The following IFNA14 variants were observed in gnomAD, a reference collection of about 807,000 sequenced individuals.
IFNA14 encodes interferon alpha 14, also known as interferon alpha-14.
For synonymous variants in IFNA14, 113 were observed against 76.8 expected (o/e 1.47, Z -2.46); for missense variants, 337 against 214.9 (o/e 1.57, Z -3.55).
Position 21,239,926 on chromosome 9 carries a change from G to T in IFNA14, c.10C>A (p.Pro4Thr), listed in dbSNP as rs773039262. The T allele has an allele frequency of 6.2e-7, 1 of 1,613,866 alleles. No homozygotes were observed. The highest frequency in any genetic ancestry group is 8.5e-7 in the Non-Finnish European group (1 of 1,179,882). Residue 4 changes from proline to threonine, a missense_variant, in exon 1 of 1, where the codon CCC becomes ACC. Coordinates refer to ENST00000380222, the MANE Select transcript of IFNA14 (RefSeq NM_002172.3). The stretch of plus-strand genomic sequence containing the variant: ...ACCAGGGCCATCATTAAAGCAAAGG[G>T]CAATGCCATTGGGAATCCCGAAGAT... MAL[P>T]FALMMALVVL...
Position 21,239,492 on chromosome 9 carries a change from T to C in IFNA14, c.444A>G (p.Gln148=). 5 of 1,614,134 alleles carry C rather than the reference T, an allele frequency of 3.1e-6. No individual in the cohort carries two copies. Among genetic ancestry groups the C allele is most frequent in the Non-Finnish European group, 4.2e-6 (5 of 1,180,018 alleles). Residue 148 remains glutamine (Q), a synonymous_variant, in exon 1 of 1, where the codon CAA becomes CAG. Transcript: ENST00000380222. ...TCTCCATCAGATAAAGAGTGATTCT[T>C]TGGAAGTATTTCTTCACAGCCAGGA... The part of the protein sequence containing the change: ...DSILAVKKYF[Q]RITLYLMEKK...
Position 21,239,904 on chromosome 9 carries a change from A to G in IFNA14, c.32T>C (p.Leu11Pro). Residue 11 changes from leucine to proline, a missense_variant, in exon 1 of 1, where the codon CTG becomes CCG. By Grantham distance (98) the Leu-to-Pro change is moderately conservative. Transcript: ENST00000380222. MALPFALMMA[L>P]VVLSCKSSCS... ...GCTTGACTTGCAGCTGAGCACCACC[A>G]GGGCCATCATTAAAGCAAAGGGCAA... The G allele has an allele frequency of 1.2e-6, 2 of 1,614,122 alleles. No homozygotes were observed. The highest frequency in any genetic ancestry group is 1.7e-6 in the Non-Finnish European group (2 of 1,179,996).
In IFNA14 at chr9:21,239,528, A is replaced by T; in HGVS notation, c.408T>A (p.Asn136Lys). The change falls in exon 1 of 1, where the codon AAT becomes AAA. Residue 136 changes from asparagine to lysine, a missense_variant. Asn to Lys is a moderately conservative substitution (Grantham distance 94, BLOSUM62 0). Transcript: ENST00000380222. Reference sequence around the variant, plus strand: ...TCTTCACAGCCAGGATGGAGTCCTCATTCATCAGGGGAGTCTCTTCCACCC... The same window carrying T: ...TCTTCACAGCCAGGATGGAGTCCTCTTTCATCAGGGGAGTCTCTTCCACCC... ...EVGVEETPLM[N>K]EDSILAVKKY... is the part of the protein sequence containing the mutation. The T allele has an allele frequency of 6.2e-7, 1 of 1,614,118 alleles. No homozygotes were observed. The highest frequency in any genetic ancestry group is 8.5e-7 in the Non-Finnish European group (1 of 1,180,014).
chr9:21,239,360 C>T lies in IFNA14; in HGVS notation c.*6G>A. ...AATGAGAATCATTTCCATGATGAAC[C>T]AGTTTTCAATCCTTCCTCCTTAATC... On this transcript the variant is annotated 3_prime_UTR_variant, in exon 1 of 1. Transcript: ENST00000380222. The T allele has an allele frequency of 6.2e-7, 1 of 1,613,390 alleles. No individual in the cohort carries two copies. The highest frequency in any genetic ancestry group is 1.7e-5 in the Admixed American group (1 of 59,866).
rs1002681216 is a variant in IFNA14, at chr9:21,239,325, T to TG, written c.*40dup. 1 of 1,610,452 alleles carries TG rather than the reference T, an allele frequency of 6.2e-7. No homozygotes were observed. Among genetic ancestry groups the TG allele is most frequent in the African/African-American group, 1.3e-5 (1 of 74,572 alleles). ...AAGAACTCATGAAAGTGTGAGATGA[T>TG]GTATTAGTCAATGAGAATCATTTCC... is the stretch of plus-strand genomic sequence containing the variant. On this transcript the variant is annotated 3_prime_UTR_variant, in exon 1 of 1. Coordinates refer to ENST00000380222, the MANE Select transcript of IFNA14 (RefSeq NM_002172.3).
At position 21,239,582 on chromosome 9, in the gene IFNA14, G is replaced by T; in HGVS notation, c.354C>A (p.Asp118Glu). Residue 118 changes from aspartate (D) to glutamate (E), a missense_variant, in exon 1 of 1, where the codon GAC becomes GAA. Coordinates refer to ENST00000380222, the MANE Select transcript of IFNA14 (RefSeq NM_002172.3). ...FYIELFQQMN[D>E]LEACVIQEVG... ...CCTCCTGTATCACACAGGCTTCCAGGTCATTCATTTGCTGGAAAAGTTCAA... is the reference window on the plus strand; with the variant it reads ...CCTCCTGTATCACACAGGCTTCCAGTTCATTCATTTGCTGGAAAAGTTCAA... 2 of 1,613,980 alleles carry T rather than the reference G, an allele frequency of 1.2e-6. No individual in the cohort carries two copies. Among genetic ancestry groups the T allele is most frequent in the Admixed American group, 1.7e-5 (1 of 60,000 alleles).
rs149468160 is a variant in IFNA14, at chr9:21,239,632, C to T, written c.304G>A (p.Glu102Lys). 6 of 1,613,818 alleles carry T rather than the reference C, an allele frequency of 3.7e-6. No individual in the cohort carries two copies. The African/African-American group carries it at 4.0e-5, about 11-fold the overall frequency. Residue 102 changes from glutamate to lysine, a missense_variant, in exon 1 of 1, where the codon GAG (glutamate) becomes AAG (lysine). Physicochemically the swap from Glu to Lys is moderately conservative, Grantham distance 56. Coordinates refer to ENST00000380222, the MANE Select transcript of IFNA14 (RefSeq NM_002172.3). Reference protein sequence around the residue: ...STKNSSAAWDETLLEKFYIEL... With the variant: ...STKNSSAAWDKTLLEKFYIEL... ...ATGTAGAATTTTTCTAGGAGGGTCT[C>T]ATCCCAAGCAGCAGATGAGTTCTTT...
chr9:21,239,325 T>C lies in IFNA14; in HGVS notation c.*41A>G, dbSNP rs1203840154. The C allele has an allele frequency of 1.2e-6, 2 of 1,610,570 alleles. No homozygotes were observed. The highest frequency in any genetic ancestry group is 2.2e-5 in the East Asian group (1 of 44,850). On this transcript the variant is annotated 3_prime_UTR_variant, in exon 1 of 1. Coordinates refer to ENST00000380222, the MANE Select transcript of IFNA14 (RefSeq NM_002172.3). ...AAGAACTCATGAAAGTGTGAGATGA[T>C]GTATTAGTCAATGAGAATCATTTCC...
At position 21,239,860 on chromosome 9, in the gene IFNA14, G is replaced by C; in HGVS notation, c.76C>G (p.Leu26Val). ...TTATTCAGGCTGTGGGTTTGAGACA[G>C]ATTACAGCCCAGAGAGCAGCTTGAC... ...CKSSCSLGCN[L>V]SQTHSLNNRR... is the part of the protein sequence containing the mutation. Residue 26 changes from leucine (L) to valine (V), a missense_variant, in exon 1 of 1, where the codon CTG (leucine) becomes GTG (valine). Transcript: ENST00000380222. The C allele has an allele frequency of 6.2e-7, 1 of 1,614,124 alleles. No homozygotes were observed. Among genetic ancestry groups the C allele is most frequent in the Non-Finnish European group, 8.5e-7 (1 of 1,179,998 alleles).
In IFNA14 at chr9:21,239,325, T is replaced by A; in HGVS notation, c.*41A>T. On this transcript the variant is annotated 3_prime_UTR_variant, in exon 1 of 1. Coordinates refer to ENST00000380222, the MANE Select transcript of IFNA14 (RefSeq NM_002172.3). ...AAGAACTCATGAAAGTGTGAGATGA[T>A]GTATTAGTCAATGAGAATCATTTCC... 1 of 1,610,570 alleles carries A rather than the reference T, an allele frequency of 6.2e-7. No homozygotes were observed. The highest frequency in any genetic ancestry group is 1.1e-5 in the South Asian group (1 of 90,384).
At position 21,239,795 on chromosome 9, in the gene IFNA14, G is replaced by C. The variant is rs769998554; in HGVS notation, c.141C>G (p.Ile47Met). The change falls in exon 1 of 1, where the codon ATC (isoleucine) becomes ATG (methionine). Residue 47 changes from isoleucine (I) to methionine (M), a missense_variant. Coordinates refer to ENST00000380222, the MANE Select transcript of IFNA14 (RefSeq NM_002172.3). ...TLMLMAQMRR[I>M]SPFSCLKDRH... ...TGTCCTTCAGGCAGGAGAAAGGAGA[G>C]ATTCTCCTCATTTGTGCCATGAGCA... is the stretch of plus-strand genomic sequence containing the variant. 3 of 1,614,068 alleles carry C rather than the reference G, an allele frequency of 1.9e-6. No homozygotes were observed. Among genetic ancestry groups the C allele is most frequent in the Non-Finnish European group, 1.7e-6 (2 of 1,179,976 alleles).
At position 21,239,175 on chromosome 9, in the gene IFNA14, C is replaced by A. The variant is rs373615837; in HGVS notation, c.*191G>T. On this transcript the variant is annotated 3_prime_UTR_variant, in exon 1 of 1. Coordinates refer to ENST00000380222, the MANE Select transcript of IFNA14 (RefSeq NM_002172.3). ...ATAAATAGATGAAAGGAGACATCAGCATGGTCATCTGTAAAGGACTAGTGC... is the reference window on the plus strand; with the variant it reads ...ATAAATAGATGAAAGGAGACATCAGAATGGTCATCTGTAAAGGACTAGTGC... The A allele has an allele frequency of 1.5e-5, 9 of 611,308 alleles. No individual in the cohort carries two copies. The highest frequency in any genetic ancestry group is 5.8e-5 in the African/African-American group (3 of 51,900). 37.9% of individuals were successfully genotyped at this position (611,308 alleles called of 1,614,324 possible). A position where few individuals can be genotyped will look rare whatever the true frequency, so the allele number is the denominator to read the frequency against.
Position 21,239,645 on chromosome 9 carries a change from A to G in IFNA14, c.291T>C (p.Ser97=), listed in dbSNP as rs756809807. The change falls in exon 1 of 1, where the codon TCT becomes TCC. Residue 97 remains serine, a synonymous_variant. Coordinates refer to ENST00000380222, the MANE Select transcript of IFNA14 (RefSeq NM_002172.3). ...CTAGGAGGGTCTCATCCCAAGCAGC[A>G]GATGAGTTCTTTGTGCTGAAGAGAT... ...TFNLFSTKNS[S]AAWDETLLEK... 2 of 1,614,054 alleles carry G rather than the reference A, an allele frequency of 1.2e-6. No individual in the cohort carries two copies. Among genetic ancestry groups the G allele is most frequent in the Admixed American group, 3.3e-5 (2 of 60,006 alleles).
In IFNA14 at chr9:21,239,828, C is replaced by A. The variant is rs1010620116; in HGVS notation, c.108G>T (p.Arg36Ser). Residue 36 changes from arginine (R) to serine (S), a missense_variant, in exon 1 of 1, where the codon AGG becomes AGT. Coordinates refer to ENST00000380222, the MANE Select transcript of IFNA14 (RefSeq NM_002172.3). ...TCATTTGTGCCATGAGCATCAAAGT[C>A]CTCCTGTTATTCAGGCTGTGGGTTT... Reference protein sequence around the residue: ...LSQTHSLNNRRTLMLMAQMRR... With the variant: ...LSQTHSLNNRSTLMLMAQMRR... The A allele has an allele frequency of 2.5e-6, 4 of 1,613,994 alleles. No individual in the cohort carries two copies. In the African/African-American group the frequency reaches 5.3e-5, roughly 22 times the overall value.
In IFNA14 at chr9:21,239,795, G is replaced by A. The variant is rs769998554; in HGVS notation, c.141C>T (p.Ile47=). 2 of 1,614,068 alleles carry A rather than the reference G, an allele frequency of 1.2e-6. No homozygotes were observed. Among genetic ancestry groups the A allele is most frequent in the South Asian group, 1.1e-5 (1 of 91,078 alleles). Residue 47 remains isoleucine (I), a synonymous_variant, in exon 1 of 1, where the codon ATC becomes ATT. Transcript: ENST00000380222. Reference sequence around the variant, plus strand: ...TGTCCTTCAGGCAGGAGAAAGGAGAGATTCTCCTCATTTGTGCCATGAGCA... The same window carrying A: ...TGTCCTTCAGGCAGGAGAAAGGAGAAATTCTCCTCATTTGTGCCATGAGCA... The part of the protein sequence containing the change: ...TLMLMAQMRR[I]SPFSCLKDRH...
At position 21,239,946 on chromosome 9, in the gene IFNA14, G is replaced by A. The variant is rs748235557; in HGVS notation, c.-11C>T. ...AAAGGGCAATGCCATTGGGAATCCCGAAGATGCTGCTGGGCTGGTTGATGA... is the reference window on the plus strand; with the variant it reads ...AAAGGGCAATGCCATTGGGAATCCCAAAGATGCTGCTGGGCTGGTTGATGA... On this transcript the variant is annotated 5_prime_UTR_variant, in exon 1 of 1. Coordinates refer to ENST00000380222, the MANE Select transcript of IFNA14 (RefSeq NM_002172.3). 6 of 1,612,520 alleles carry A rather than the reference G, an allele frequency of 3.7e-6. No individual in the cohort carries two copies. Among genetic ancestry groups the A allele is most frequent in the African/African-American group, 1.3e-5 (1 of 75,004 alleles).
At position 21,239,382 on chromosome 9, in the gene IFNA14, A is replaced by G; in HGVS notation, c.554T>C (p.Leu185Ser). The G allele has an allele frequency of 6.2e-7, 1 of 1,614,022 alleles. No individual in the cohort carries two copies. The highest frequency in any genetic ancestry group is 1.1e-5 in the South Asian group (1 of 91,070). The change falls in exon 1 of 1, where the codon TTA becomes TCA. Residue 185 changes from leucine to serine, a missense_variant. Transcript: ENST00000380222. ...LSFSTNLQKRLRRKD is the reference protein window; with the variant it reads ...LSFSTNLQKRSRRKD ...AACCAGTTTTCAATCCTTCCTCCTT[A>G]ATCTTTTTTGCAAGTTTGTTGAAAA...
rs762892461 is a variant in IFNA14 at position 21,239,451 on chromosome 9, C to G, written c.485G>C (p.Cys162Ser). Reference protein sequence around the residue: ...LYLMEKKYSPCAWEVVRAEIM... With the variant: ...LYLMEKKYSPSAWEVVRAEIM... ...TTCTGCTCTGACAACCTCCCAGGCA[C>G]AAGGGCTGTATTTCTTCTCCATCAG... Residue 162 changes from cysteine (C) to serine (S), a missense_variant, in exon 1 of 1, where the codon TGT becomes TCT. Physicochemically the swap from Cys to Ser is moderately radical, Grantham distance 112. Transcript: ENST00000380222. 6.8e-6 allele frequency: 11 copies of G among 1,614,010 alleles called. No homozygotes were observed. The highest frequency in any genetic ancestry group is 9.3e-6 in the Non-Finnish European group (11 of 1,180,026).
Position 21,239,322 on chromosome 9 carries a change from T to A in IFNA14, c.*44A>T. The A allele has an allele frequency of 6.2e-7, 1 of 1,609,258 alleles. No homozygotes were observed. The highest frequency in any genetic ancestry group is 8.5e-7 in the Non-Finnish European group (1 of 1,178,938). Reference sequence around the variant, plus strand: ...TGGAAGAACTCATGAAAGTGTGAGATGATGTATTAGTCAATGAGAATCATT... The same window carrying A: ...TGGAAGAACTCATGAAAGTGTGAGAAGATGTATTAGTCAATGAGAATCATT... On this transcript the variant is annotated 3_prime_UTR_variant, in exon 1 of 1. Transcript: ENST00000380222.
Sources: gnomAD v4.1 joint callset for allele counts on GRCh38, gnomAD v4.1.1 for gene constraint, MANE v1.5 for transcripts, NCBI Gene and HGNC (gene_info 2026-07-23, HGNC 2026-07-21) for gene names.